LRRTM4: variants seen among roughly 807,000 people sequenced by gnomAD.
The protein encoded by LRRTM4 is leucine rich repeat transmembrane neuronal 4.
Under a neutral mutation model 47.6 loss-of-function variants are expected in LRRTM4, and 25 were observed. The ratio of observed to expected loss-of-function variants is 0.53; its 90% CI spans 0.38 to 0.73. The LOEUF is 0.73. Among genes scored for constraint, LRRTM4 ranks in the 30% least tolerant of loss-of-function variants. The pLI is 0.00. For synonymous variants in LRRTM4, 311 were observed against 269.5 expected, an observed-to-expected ratio of 1.15 and a Z score of -1.51; for missense variants, 638 against 713.4, an observed-to-expected ratio of 0.89 and a Z score of 1.20.
chr2:76,773,520 ATATAG>A (rs1261669614), intron 3 of LRRTM4, among the ~76,000 whole-genome samples: 3 of 152,190 alleles, frequency 2.0e-5, no homozygotes. Flanking sequence ...TTATGATTTC[ATATAG>A]TAAAGTGATG....
chr2:77,043,171 A>G lies in LRRTM4; in HGVS notation c.1552-294255T>C, dbSNP rs567615809. Among the ~76,000 whole-genome samples, 8 of 151,814 alleles carry G rather than the reference A, an allele frequency of 5.3e-5. No individual in the cohort carries two copies. The South Asian group carries it at 1.2e-3, about 24-fold the overall frequency. The stretch of plus-strand genomic sequence containing the variant: ...ACGTATCTTTCATTGTTATTGCTGT[A>G]TAAGTGGATGTGGTTCTGTGGGGAA... On this transcript the variant is annotated intron_variant, in intron 3 of 3. Transcript: ENST00000409884.
chr2:77,452,961 T>C (rs751742791), intron 3 of LRRTM4, among the ~76,000 whole-genome samples: 13 of 152,122 alleles, frequency 8.5e-5, no homozygotes, highest in South Asian at 2.1e-4. Context: ...ATAATTTCTA[T>C]GTGACCTTAT....
chr2:76,913,181 A>G (rs1176634968), intron 3 of LRRTM4, among the ~76,000 whole-genome samples: 1 of 152,074 alleles, frequency 6.6e-6, no homozygotes, highest in East Asian at 1.9e-4. Context: ...ATCTTGACCC[A>G]TTTGTTTGAA....
intron 3 of LRRTM4, among the ~76,000 whole-genome samples, chr2:77,042,410 TAA>T (rs894344277): frequency 2.6e-5 from 4 of 151,770 alleles, no homozygotes; most frequent in Non-Finnish European, 5.9e-5. Flanking sequence ...TATGTAAACA[TAA>T]AAAGTTATTT....
Position 76,991,305 on chromosome 2 carries a change from C to A in LRRTM4, c.1552-242389G>T, listed in dbSNP as rs77186193. Among the ~76,000 whole-genome samples the A allele has an allele frequency of 1.5e-3, 234 of 151,616 alleles. 2 individuals are homozygous for A. Among genetic ancestry groups the A allele is most frequent in the African/African-American group, 5.3e-3 (221 of 41,450 alleles). ...AGAAATAACTACAATGAGAGTGTAA[C>A]TGAATGAAATTGAGACTCAAAAATT... On this transcript the variant is annotated intron_variant, in intron 3 of 3. Coordinates refer to ENST00000409884, the MANE Select transcript of LRRTM4 (RefSeq NM_001134745.3).
chr2:77,035,422 C>A (rs535679596), intron 3 of LRRTM4, among the ~76,000 whole-genome samples: 1 of 151,778 alleles, frequency 6.6e-6, no homozygotes, highest in Non-Finnish European at 1.5e-5. Flanking sequence ...TACGAAGGTC[C>A]GTCCTCCCTT....
chr2:76,987,048 T>G (rs541028341), intron 3 of LRRTM4, among the ~76,000 whole-genome samples: 16 of 151,988 alleles, frequency 1.1e-4, no homozygotes, highest in African/African-American at 3.9e-4. Context: ...TTAGAAAGCG[T>G]GAAAAAAATA....
At chr2:77,023,763 G>A (rs1471083179) in intron 3 of LRRTM4, among the ~76,000 whole-genome samples, 1 of 152,198 alleles carries the variant, frequency 6.6e-6, no homozygotes, top group Non-Finnish European at 1.5e-5. Context: ...GCTCTAGGGA[G>A]TTGCAAACTT....
chr2:76,873,520 A>ACATATATATATATATATATATATATG (rs764805070), intron 3 of LRRTM4, among the ~76,000 whole-genome samples: 2 of 143,568 alleles, frequency 1.4e-5, no homozygotes, highest in Non-Finnish European at 3.0e-5. Context: ...ATATATATAT[A>ACATATATATATATATATATATATATG]TATATATATA....
At chr2:77,086,621 C>T (rs1680725404) in intron 3 of LRRTM4, among the ~76,000 whole-genome samples, 1 of 151,816 alleles carries the variant, frequency 6.6e-6, no homozygotes, top group Admixed American at 6.6e-5. Flanking sequence ...GGATTACAGG[C>T]AGCCCAGCAC....
chr2:76,850,930 T>TGTA (rs1426639095), intron 3 of LRRTM4, among the ~76,000 whole-genome samples: 15 of 152,206 alleles, frequency 9.9e-5, no homozygotes, highest in African/African-American at 3.6e-4. Flanking sequence ...CATGTCTTAT[T>TGTA]GTAGACTCCT....
intron 3 of LRRTM4, among the ~76,000 whole-genome samples, chr2:77,374,044 A>G (rs1396708017): frequency 6.6e-6 from 1 of 151,804 alleles, no homozygotes; most frequent in Non-Finnish European, 1.5e-5. Context: ...ACTGGCTAAG[A>G]TCTGAAGCTA....
At chr2:76,963,973 G>T (rs1449090774) in intron 3 of LRRTM4, among the ~76,000 whole-genome samples, 1 of 150,608 alleles carries the variant, frequency 6.6e-6, no homozygotes, top group Admixed American at 6.6e-5. Context: ...ATGGCCTACT[G>T]TATTACAAAT....
intron 3 of LRRTM4, among the ~76,000 whole-genome samples, chr2:77,383,581 G>T (rs996503828): frequency 1.1e-4 from 17 of 152,010 alleles, no homozygotes; most frequent in African/African-American, 3.9e-4. Flanking sequence ...AAGTAAATAT[G>T]ATTAATAATT....
chr2:77,206,749 G>T (rs1558633329), intron 3 of LRRTM4, among the ~76,000 whole-genome samples: 1 of 152,104 alleles, frequency 6.6e-6, no homozygotes, highest in Non-Finnish European at 1.5e-5. Context: ...CTCCCAAAGT[G>T]CTGGGACTAC....
At chr2:77,305,167 C>G (rs1677238966) in intron 3 of LRRTM4, among the ~76,000 whole-genome samples, 1 of 151,896 alleles carries the variant, frequency 6.6e-6, no homozygotes, top group African/African-American at 2.4e-5. Flanking sequence ...TTATTTTTTT[C>G]TAAATCCAAA....
At chr2:76,985,301 G>C (rs1379325873) in intron 3 of LRRTM4, among the ~76,000 whole-genome samples, 1 of 151,982 alleles carries the variant, frequency 6.6e-6, no homozygotes, top group Non-Finnish European at 1.5e-5. Flanking sequence ...TAAATGGTGG[G>C]GGATAATGTT....
chr2:76,974,201 T>TATATATACATAC (rs1558771637), intron 3 of LRRTM4, among the ~76,000 whole-genome samples: 3 of 70,698 alleles, frequency 4.2e-5, no homozygotes, highest in Non-Finnish European at 7.7e-5. Flanking sequence ...TATATACATA[T>TATATATACATAC]ATATATATAC....
At chr2:76,828,803 C>T (rs757200457) in intron 3 of LRRTM4, among the ~76,000 whole-genome samples, 18 of 151,998 alleles carry the variant, frequency 1.2e-4, no homozygotes, top group Middle Eastern at 3.4e-3. Flanking sequence ...AAGCCTAGCA[C>T]GAAACTCATT....
Sources: allele counts gnomAD v4.1 joint callset (sites outside exome capture counted in the v4.1 genomes callset), GRCh38; gene constraint gnomAD v4.1.1; transcripts MANE v1.5; gene names NCBI Gene and HGNC (gene_info 2026-07-23, HGNC 2026-07-21).